VAMP7: variants seen among roughly 807,000 people sequenced by gnomAD.
VAMP7 encodes vesicle associated membrane protein 7.
A neutral mutation model predicts 29.6 loss-of-function variants in VAMP7; 14 were observed. The ratio of observed to expected loss-of-function variants is 0.47; its 90% confidence interval spans 0.31 to 0.74. VAMP7 has a LOEUF of 0.74. Among genes scored for constraint, VAMP7 ranks in the 30% least tolerant of loss-of-function variants. The pLI, the probability that VAMP7 is intolerant of heterozygous loss-of-function variation, is 0.05. For missense variants in VAMP7, 223 were observed against 262.4 expected (o/e 0.85, Z 1.04); for synonymous variants, 95 against 88.1 (o/e 1.08, Z -0.44).
In VAMP7 at chrX:155,930,509, G is replaced by A. The variant is rs757267245; in HGVS notation, c.502-9192G>A. Among the ~76,000 whole-genome samples, 200 of 151,272 alleles carry A rather than the reference G, an allele frequency of 1.3e-3. 3 individuals are homozygous for A. Among genetic ancestry groups the A allele is most frequent in the African/African-American group, 4.5e-3 (184 of 41,242 alleles). On this transcript the variant is annotated intron_variant, in intron 6 of 7. Coordinates refer to ENST00000286448, the MANE Select transcript of VAMP7 (RefSeq NM_005638.6). ...CCAAACAAAAAAAAAAAAAAAATAG[G>A]TGTGATTGGGTGCACCTGTAGTCCT...
chrX:155,931,608 A>G (rs2066556372), intron 6 of VAMP7, among the ~76,000 whole-genome samples: 1 of 152,330 alleles, frequency 6.6e-6, no homozygotes, highest in African/African-American at 2.4e-5. Context: ...GAATCTGGAT[A>G]TTAGCCCTTT....
chrX:155,921,658 C>T (rs1479721984), intron 6 of VAMP7, among the ~76,000 whole-genome samples: 1 of 151,730 alleles, frequency 6.6e-6, no homozygotes, highest in African/African-American at 2.4e-5. Context: ...TATTTTGTTC[C>T]ATTGGTCAGT....
chrX:155,890,928 T>A (rs2065919206), intron 2 of VAMP7, among the ~76,000 whole-genome samples: 1 of 152,190 alleles, frequency 6.6e-6, no homozygotes. Flanking sequence ...TTAATTTTAA[T>A]GAGATAGTCC....
chrX:155,901,444 G>A (rs890336439), intron 5 of VAMP7, among the ~76,000 whole-genome samples: 3 of 151,914 alleles, frequency 2.0e-5, no homozygotes, highest in African/African-American at 7.3e-5. Context: ...GATGCATAAA[G>A]TTTCCAGAAA....
At chrX:155,939,593 T>C in intron 6 of VAMP7, 108 bp from the exon 7 acceptor site, 1 of 816,686 alleles carries the variant, frequency 1.2e-6, no homozygotes, top group Non-Finnish European at 2.2e-6. Context: ...TAAAGAGAGG[T>C]CATTGGACTT....
At chrX:155,886,320 C>G (rs1411979363) in intron 1 of VAMP7, among the ~76,000 whole-genome samples, 2 of 152,052 alleles carry the variant, frequency 1.3e-5, no homozygotes, top group African/African-American at 4.8e-5. Flanking sequence ...GGTAAGACTT[C>G]ATAGGTGGGA....
chrX:155,901,188 GATTA>G (rs2066056482), intron 5 of VAMP7, among the ~76,000 whole-genome samples: 1 of 151,962 alleles, frequency 6.6e-6, no homozygotes, highest in African/African-American at 2.4e-5. Context: ...ATTTTCTTGA[GATTA>G]ATTATCAGGA....
intron 5 of VAMP7, among the ~76,000 whole-genome samples, chrX:155,910,997 A>G (rs1418921905): frequency 2.0e-5 from 3 of 152,124 alleles, no homozygotes; most frequent in African/African-American, 4.8e-5. Flanking sequence ...GGTGTTAGCC[A>G]TAAAATCTTT....
chrX:155,929,108 C>A (rs763685038), intron 6 of VAMP7, among the ~76,000 whole-genome samples: 2 of 152,126 alleles, frequency 1.3e-5, no homozygotes, highest in Non-Finnish European at 1.5e-5. Flanking sequence ...TCTCAAAATT[C>A]TCTGAATATT....
intron 5 of VAMP7, among the ~76,000 whole-genome samples, chrX:155,910,003 T>G (rs1320625068): frequency 6.6e-6 from 1 of 151,934 alleles, no homozygotes; most frequent in Non-Finnish European, 1.5e-5. Flanking sequence ...TATTGTTAAC[T>G]TTAGTCACCC....
chrX:155,916,604 T>C (rs2066317573), intron 5 of VAMP7, among the ~76,000 whole-genome samples: 1 of 152,178 alleles, frequency 6.6e-6, no homozygotes, highest in Non-Finnish European at 1.5e-5. Flanking sequence ...TTATTTCTCC[T>C]TCACTTATAA....
At position 155,941,960 on chromosome X, in the gene VAMP7, AAGT is replaced by A. The variant is rs2066750375; in HGVS notation, c.*10_*12del. On this transcript the variant is annotated 3_prime_UTR_variant, in exon 8 of 8. Coordinates refer to ENST00000286448, the MANE Select transcript of VAMP7 (RefSeq NM_005638.6). Reference sequence around the variant, plus strand: ...GCTGTGTGAAGAAATAGGAAAGAAGAAGTTACCATTAACCAAGGATATGAGAGA... The same window carrying A: ...GCTGTGTGAAGAAATAGGAAAGAAGATACCATTAACCAAGGATATGAGAGA... The A allele has an allele frequency of 2.5e-6, 4 of 1,613,804 alleles. No individual in the cohort carries two copies. Among genetic ancestry groups the A allele is most frequent in the African/African-American group, 1.3e-5 (1 of 75,042 alleles).
At chrX:155,889,378 G>A in intron 1 of VAMP7, 80 bp from the exon 2 acceptor site, 1 of 1,539,842 alleles carries the variant, frequency 6.5e-7, no homozygotes, top group Non-Finnish European at 8.8e-7. Flanking sequence ...CAGGTAGTAT[G>A]TTGATAAATG....
At chrX:155,899,571 C>G (rs2124271976) in intron 4 of VAMP7, among the ~76,000 whole-genome samples, 1 of 152,052 alleles carries the variant, frequency 6.6e-6, no homozygotes, top group Admixed American at 6.6e-5. Context: ...CACACATACT[C>G]TTCTGGCAAT....
rs769282266 is a variant in VAMP7 at position 155,921,721 on chromosome X, A to C, written c.501+1841A>C. On this transcript the variant is annotated intron_variant, in intron 6 of 7. Transcript: ENST00000286448. Reference sequence around the variant, plus strand: ...TGTGTTGATTAGTATAACTTAATAGAATTCTTGAAATTAAGTAGTGTAAGT... The same window carrying C: ...TGTGTTGATTAGTATAACTTAATAGCATTCTTGAAATTAAGTAGTGTAAGT... Among the ~76,000 whole-genome samples, 7 of 152,184 alleles carry C rather than the reference A, an allele frequency of 4.6e-5. No homozygotes were observed. In the South Asian group the frequency reaches 1.5e-3, roughly 32 times the overall value.
Position 155,908,843 on chromosome X carries a change from A to AGT in VAMP7, c.433+8258_433+8259dup, listed in dbSNP as rs201049634. On this transcript the variant is annotated intron_variant, in intron 5 of 7. Transcript: ENST00000286448. ...CTGTCTGTCACCCAGGCTGGAGTGC[A>AGT]GTGACATGATCCTCTCTAATTCCTC... Among the ~76,000 whole-genome samples the AGT allele has an allele frequency of 5.8e-3, 883 of 152,078 alleles. 21 individuals are homozygous for AGT. Among genetic ancestry groups the AGT allele is most frequent in the Admixed American group, 0.054 (822 of 15,266 alleles).
intron 5 of VAMP7, among the ~76,000 whole-genome samples, chrX:155,916,317 A>G (rs2066312468): frequency 6.6e-6 from 1 of 152,140 alleles, no homozygotes; most frequent in Non-Finnish European, 1.5e-5. Context: ...TCAATTTGCC[A>G]GTCTGTGTCT....
At chrX:155,917,976 C>T (rs2066337003) in intron 5 of VAMP7, among the ~76,000 whole-genome samples, 2 of 152,146 alleles carry the variant, frequency 1.3e-5, no homozygotes, top group Non-Finnish European at 2.9e-5. Context: ...CTGGCTGGGG[C>T]TGCTGCCTTT....
intron 5 of VAMP7, among the ~76,000 whole-genome samples, chrX:155,904,222 G>A (rs1226208298): frequency 7.6e-6 from 1 of 131,296 alleles, no homozygotes; most frequent in Non-Finnish European, 1.6e-5. Context: ...GGGGGAGGGG[G>A]AAGGATAGCT....
Sources: gnomAD v4.1 joint callset for allele counts (sites outside exome capture counted in the v4.1 genomes callset) on GRCh38, gnomAD v4.1.1 for gene constraint, MANE v1.5 for transcripts, NCBI Gene and HGNC (gene_info 2026-07-23, HGNC 2026-07-21) for gene names.